The following FLT1 variants were observed in gnomAD, a reference collection of about 807,000 sequenced individuals.
FLT1 encodes vascular endothelial growth factor receptor 1.
A neutral mutation model predicts 156.3 loss-of-function variants in FLT1; 49 were observed. That is an observed-to-expected ratio of 0.31 (90% CI 0.25 to 0.40). The LOEUF is 0.40. FLT1 is among the 10% of genes least tolerant of loss of function. The probability of loss-of-function intolerance (pLI) is 1.00; values close to 1 mark genes in which losing one functional copy is unlikely to be tolerated. For synonymous variants in FLT1, 594 were observed against 583.8 expected (o/e 1.02, Z -0.25); for missense variants, 1,322 against 1,637.2 (o/e 0.81, Z 3.32).
At chr13:28,405,925 C>T in intron 10 of FLT1, 31 bp from the exon 11 acceptor site, 3 of 1,165,318 alleles carry the variant, frequency 2.6e-6, no homozygotes, top group Non-Finnish European at 3.8e-6. Flanking sequence ...CACAATGTGG[C>T]TTTACAGCAT....
intron 10 of FLT1, among the ~76,000 whole-genome samples, chr13:28,418,876 C>T (rs1876820196): frequency 6.6e-6 from 1 of 151,958 alleles, no homozygotes; most frequent in South Asian, 2.1e-4. Context: ...CCCAGCCCTC[C>T]CCCTTTATAC....
At chr13:28,440,306 A>G (rs1227600764) in intron 3 of FLT1, among the ~76,000 whole-genome samples, 1 of 152,150 alleles carries the variant, frequency 6.6e-6, no homozygotes, top group Non-Finnish European at 1.5e-5. Context: ...CCGTCCTTTT[A>G]CAGATGAGAA....
At chr13:28,437,199 G>A (rs60623022) in intron 4 of FLT1, among the ~76,000 whole-genome samples, 7,699 of 152,198 alleles carry the variant, frequency 0.051, 629 homozygotes, top group African/African-American at 0.18. Flanking sequence ...ATTTCCTGGC[G>A]ATGGCACACA....
intron 6 of FLT1, 38 bp from the exon 7 acceptor site, chr13:28,431,348 G>A: frequency 7.0e-7 from 1 of 1,426,378 alleles, no homozygotes; most frequent in Non-Finnish European, 9.9e-7. Flanking sequence ...GAAGGAGTGA[G>A]TGTTCATGCT....
intron 18 of FLT1, among the ~76,000 whole-genome samples, chr13:28,329,940 T>C (rs901123979): frequency 6.6e-6 from 1 of 152,222 alleles, no homozygotes; most frequent in Admixed American, 6.5e-5. Context: ...CCCAGCACAG[T>C]AGTGGGGTTA....
intron 25 of FLT1, among the ~76,000 whole-genome samples, chr13:28,313,341 C>A (rs1193958259): frequency 6.6e-6 from 1 of 152,196 alleles, no homozygotes; most frequent in African/African-American, 2.4e-5. Flanking sequence ...TGCACGGAAT[C>A]GAGGTCTGTA....
intron 10 of FLT1, among the ~76,000 whole-genome samples, chr13:28,414,555 T>C (rs775051452): frequency 2.6e-5 from 4 of 152,242 alleles, no homozygotes; most frequent in Non-Finnish European, 4.4e-5. Flanking sequence ...GTAACACACT[T>C]AGCACAGTGC....
At position 28,480,568 on chromosome 13, in the gene FLT1, C is replaced by T. The variant is rs78175554; in HGVS notation, c.65-12951G>A. 2.6e-3 allele frequency among the ~76,000 whole-genome samples: 400 copies of T among 152,272 alleles called. 3 individuals are homozygous for T. The East Asian group carries it at 0.034, about 13-fold the overall frequency. On this transcript the variant is annotated intron_variant, in intron 1 of 29. Transcript: ENST00000282397. ...GACCTGAAGAATCAATGTGTATTTG[C>T]TAAAAGAAATAGCAGGGTCTCTTTC... is the stretch of plus-strand genomic sequence containing the variant.
At chr13:28,311,088 G>C (rs544834001) in intron 27 of FLT1, among the ~76,000 whole-genome samples, 9 of 152,256 alleles carry the variant, frequency 5.9e-5, no homozygotes, top group African/African-American at 2.2e-4. Flanking sequence ...CTCCTGAGTA[G>C]CTGGGACTAC....
chr13:28,455,985 A>G (rs1192474379), intron 3 of FLT1, among the ~76,000 whole-genome samples: 3 of 152,242 alleles, frequency 2.0e-5, no homozygotes, highest in African/African-American at 7.2e-5. Context: ...GTTGGCAAGG[A>G]GGCAGAGTGA....
intron 25 of FLT1, among the ~76,000 whole-genome samples, chr13:28,315,831 C>T (rs1025694940): frequency 5.3e-5 from 8 of 152,086 alleles, no homozygotes; most frequent in Non-Finnish European, 1.0e-4. Flanking sequence ...ATTCATCAGC[C>T]GTGGTCTAGG....
chr13:28,425,921 A>G (rs1286582113), intron 10 of FLT1, among the ~76,000 whole-genome samples: 1 of 152,172 alleles, frequency 6.6e-6, no homozygotes, highest in East Asian at 1.9e-4. Context: ...CTCTATTTCT[A>G]TTCTTAGAAA....
chr13:28,318,236 A>AG (rs1871284704), intron 24 of FLT1, among the ~76,000 whole-genome samples: 1 of 152,160 alleles, frequency 6.6e-6, no homozygotes, highest in African/African-American at 2.4e-5. Flanking sequence ...CTATAGTACC[A>AG]GGGCTCTAGG....
intron 10 of FLT1, among the ~76,000 whole-genome samples, chr13:28,412,139 A>C (rs945973259): frequency 2.6e-5 from 4 of 152,198 alleles, no homozygotes; most frequent in African/African-American, 9.6e-5. Flanking sequence ...AGAGGGCACA[A>C]CCGGGGCTGG....
In FLT1 at chr13:28,389,900, G is replaced by A. The variant is rs1874600302; in HGVS notation, c.1865C>T (p.Thr622Ile). 1 of 1,614,136 alleles carries A rather than the reference G, an allele frequency of 6.2e-7. No homozygotes were observed. The highest frequency in any genetic ancestry group is 8.5e-7 in the Non-Finnish European group (1 of 1,180,016). The change falls in exon 13 of 30, where the codon ACC (threonine) becomes ATC (isoleucine). Residue 622 changes from threonine to isoleucine, a missense_variant. Thr to Ile is a moderately conservative substitution (Grantham distance 89). Transcript: ENST00000282397. ...TKEHSITLNL[T>I]IMNVSLQDSG... ...ATCTTGCAGGGAAACATTCATGATG[G>A]TAAGATTAAGAGTGATGGAGTGCTC...
chr13:28,381,649 T>C (rs1012562676), intron 14 of FLT1, among the ~76,000 whole-genome samples: 7 of 152,350 alleles, frequency 4.6e-5, no homozygotes, highest in Middle Eastern at 3.4e-3. Context: ...TATTTATTCA[T>C]CCTTTTATTC....
chr13:28,373,371 T>C (rs889519391), intron 14 of FLT1, among the ~76,000 whole-genome samples: 2 of 152,210 alleles, frequency 1.3e-5, no homozygotes, highest in Non-Finnish European at 2.9e-5. Flanking sequence ...GTGAACTTTC[T>C]TGACTTTGAT....
chr13:28,339,383 A>C, intron 16 of FLT1, 83 bp from the exon 17 acceptor site: 1 of 1,436,346 alleles, frequency 7.0e-7, no homozygotes, highest in Non-Finnish European at 9.6e-7. Context: ...CCACTGTTTT[A>C]TTTGGGATCA....
At chr13:28,405,258 A>C (rs1875715739) in intron 11 of FLT1, among the ~76,000 whole-genome samples, 1 of 152,166 alleles carries the variant, frequency 6.6e-6, no homozygotes, top group African/African-American at 2.4e-5. Flanking sequence ...GTGTGTTTGC[A>C]TATCCCCCTC....
Sources: allele counts gnomAD v4.1 joint callset (sites outside exome capture counted in the v4.1 genomes callset), GRCh38; gene constraint gnomAD v4.1.1; transcripts MANE v1.5; gene names NCBI Gene and HGNC (gene_info 2026-07-23, HGNC 2026-07-21).